OLA1: variants seen among roughly 807,000 people sequenced by gnomAD.
OLA1 encodes obg-like ATPase 1.
Under a neutral mutation model 48.4 loss-of-function variants are expected in OLA1, and 14 were observed. That is an observed-to-expected ratio of 0.29 (90% CI 0.19 to 0.45). The LOEUF is 0.45. Ranked by LOEUF, OLA1 falls within the 20% of genes least tolerant of loss-of-function variation. The pLI, the probability that OLA1 is intolerant of heterozygous loss-of-function variation, is 1.00. For missense variants in OLA1, 325 were observed against 467.1 expected (o/e 0.70, Z 2.80); for synonymous variants, 127 against 150.4 (o/e 0.84, Z 1.14).
chr2:174,194,372 T>A (rs68079103), intron 4 of OLA1, among the ~76,000 whole-genome samples: 16,824 of 152,148 alleles, frequency 0.11, 2,178 homozygotes, highest in East Asian at 0.7. Flanking sequence ...TGAACTCTTC[T>A]CACTGGTGTC....
chr2:174,079,011 T>G lies in OLA1; in HGVS notation c.1046A>C (p.Lys349Thr). 1 of 1,604,802 alleles carries G rather than the reference T, an allele frequency of 6.2e-7. No homozygotes were observed. The highest frequency in any genetic ancestry group is 8.5e-7 in the Non-Finnish European group (1 of 1,176,000). Residue 349 changes from lysine (K) to threonine (T), a missense_variant, in exon 10 of 11, where the codon AAA becomes ACA. By Grantham distance (78) the Lys-to-Thr change is moderately conservative. Transcript: ENST00000284719. ...ACCTTCCTCTTTAAAATCTTCGTATTTCATTACTTCAGCCATAATGAATCC... is the reference window on the plus strand; with the variant it reads ...ACCTTCCTCTTTAAAATCTTCGTATGTCATTACTTCAGCCATAATGAATCC... ...EKGFIMAEVM[K>T]YEDFKEEGSE...
chr2:174,146,688 C>T (rs148571807), intron 4 of OLA1, among the ~76,000 whole-genome samples: 58 of 151,842 alleles, frequency 3.8e-4, no homozygotes, highest in African/African-American at 1.3e-3. Context: ...CTTATGAGAG[C>T]GAGGGAAAAA....
At chr2:174,153,785 G>C (rs778724073) in intron 4 of OLA1, among the ~76,000 whole-genome samples, 1 of 152,088 alleles carries the variant, frequency 6.6e-6, no homozygotes, top group Non-Finnish European at 1.5e-5. Context: ...ACTAGCATTC[G>C]GCTTTCAACA....
chr2:174,225,526 G>T (rs1470525538), intron 3 of OLA1, among the ~76,000 whole-genome samples: 1 of 152,056 alleles, frequency 6.6e-6, no homozygotes, highest in Non-Finnish European at 1.5e-5. Flanking sequence ...TCCAGCCTGG[G>T]CAACAATGGC....
chr2:174,128,551 G>A (rs1027065209), intron 5 of OLA1, among the ~76,000 whole-genome samples: 4 of 151,692 alleles, frequency 2.6e-5, no homozygotes, highest in Non-Finnish European at 2.9e-5. Context: ...CCAACATAGC[G>A]AAACCCCATC....
intron 4 of OLA1, among the ~76,000 whole-genome samples, chr2:174,142,475 C>A (rs1686477617): frequency 6.6e-6 from 1 of 152,118 alleles, no homozygotes; most frequent in Non-Finnish European, 1.5e-5. Context: ...CACTCAGACA[C>A]ACAATTTACA....
intron 9 of OLA1, among the ~76,000 whole-genome samples, chr2:174,080,709 T>C (rs1684835937): frequency 6.6e-6 from 1 of 152,098 alleles, no homozygotes; most frequent in Non-Finnish European, 1.5e-5. Flanking sequence ...ATGAAGAGCA[T>C]AATGATGTCA....
At chr2:174,241,679 A>G (rs1230561112) in intron 2 of OLA1, among the ~76,000 whole-genome samples, 1 of 152,224 alleles carries the variant, frequency 6.6e-6, no homozygotes, top group Non-Finnish European at 1.5e-5. Context: ...TCTGTGGCCC[A>G]GGTTGGAGTG....
At chr2:174,121,635 T>C (rs979706797) in intron 7 of OLA1, among the ~76,000 whole-genome samples, 1 of 152,122 alleles carries the variant, frequency 6.6e-6, no homozygotes, top group Non-Finnish European at 1.5e-5. Flanking sequence ...TATTATAAAT[T>C]AAAATTTGCT....
intron 1 of OLA1, chr2:174,247,540 C>A: frequency 1.4e-6 from 2 of 1,403,236 alleles, no homozygotes; most frequent in Non-Finnish European, 1.9e-6. Flanking sequence ...AGAAGACAGT[C>A]AAAGAAAATT....
intron 7 of OLA1, among the ~76,000 whole-genome samples, chr2:174,114,557 G>T (rs1685737134): frequency 6.6e-6 from 1 of 152,046 alleles, no homozygotes; most frequent in African/African-American, 2.4e-5. Flanking sequence ...CCAATGAACA[G>T]ATGCTATTTG....
At chr2:174,202,208 G>A (rs1688005866) in intron 4 of OLA1, among the ~76,000 whole-genome samples, 1 of 152,042 alleles carries the variant, frequency 6.6e-6, no homozygotes, top group Admixed American at 6.5e-5. Flanking sequence ...ATGTACACAT[G>A]CGCACTTAGA....
At chr2:174,241,634 G>A (rs910058330) in intron 2 of OLA1, among the ~76,000 whole-genome samples, 4 of 151,982 alleles carry the variant, frequency 2.6e-5, no homozygotes, top group African/African-American at 9.7e-5. Flanking sequence ...CAGAGTAATC[G>A]TTTTTTGTTT....
At chr2:174,116,511 A>T (rs1343112810) in intron 7 of OLA1, among the ~76,000 whole-genome samples, 1 of 152,204 alleles carries the variant, frequency 6.6e-6, no homozygotes, top group Admixed American at 6.5e-5. Context: ...GGGAAGAAAC[A>T]TGGTGAGATG....
chr2:174,152,021 A>G (rs1686758973), intron 4 of OLA1, among the ~76,000 whole-genome samples: 2 of 152,244 alleles, frequency 1.3e-5, no homozygotes, highest in African/African-American at 4.8e-5. Context: ...AATTTGAGCA[A>G]TTTGAGCAAA....
At chr2:174,172,343 C>G (rs200472864) in intron 4 of OLA1, 2 of 156,038 alleles carry the variant, frequency 1.3e-5, no homozygotes, top group Non-Finnish European at 1.5e-5. Flanking sequence ...GTGAGAGTGG[C>G]GAAAAGAGTG....
chr2:174,109,380 C>G (rs1160076735), intron 7 of OLA1, among the ~76,000 whole-genome samples: 1 of 152,018 alleles, frequency 6.6e-6, no homozygotes, highest in Non-Finnish European at 1.5e-5. Context: ...ACATATTTTA[C>G]TTAATAATAG....
intron 4 of OLA1, among the ~76,000 whole-genome samples, chr2:174,170,256 AAAC>A (rs1215712664): frequency 9.9e-5 from 15 of 152,152 alleles, no homozygotes; most frequent in South Asian, 4.1e-4. Context: ...AAAAATACAA[AAAC>A]AACAACAACA....
chr2:174,096,623 A>G (rs1445035446), intron 7 of OLA1, among the ~76,000 whole-genome samples: 2 of 152,192 alleles, frequency 1.3e-5, no homozygotes, highest in East Asian at 1.9e-4. Flanking sequence ...CATACTAGCT[A>G]TAAGATCCTG....
Sources: allele counts gnomAD v4.1 joint callset (sites outside exome capture counted in the v4.1 genomes callset), GRCh38; gene constraint gnomAD v4.1.1; transcripts MANE v1.5; gene names NCBI Gene and HGNC (gene_info 2026-07-23, HGNC 2026-07-21).